Variants in SGCD observed in about 807,000 individuals in gnomAD.
The protein encoded by SGCD is delta-sarcoglycan.
A neutral mutation model predicts 36.6 loss-of-function variants in SGCD; 18 were observed. The observed-to-expected ratio is 0.49, with a 90% CI of 0.34 to 0.73. The LOEUF is 0.73. Among genes scored for constraint, SGCD ranks in the 30% least tolerant of loss-of-function variants. The probability of loss-of-function intolerance (pLI) is 0.01; values close to 1 mark genes in which losing one functional copy is unlikely to be tolerated. For synonymous variants in SGCD, 133 were observed against 130.6 expected (o/e 1.02, Z -0.12); for missense variants, 387 against 346.7 (o/e 1.12, Z -0.92).
At chr5:155,986,767 C>T (rs959143132) in intron 1 of SGCD, among the ~76,000 whole-genome samples, 8 of 152,104 alleles carry the variant, frequency 5.3e-5, no homozygotes, top group African/African-American at 7.2e-5. Flanking sequence ...AGAGGTTATG[C>T]GGTGATCATT....
At chr5:156,543,464 C>T (rs1259056184) in intron 4 of SGCD, among the ~76,000 whole-genome samples, 1 of 152,144 alleles carries the variant, frequency 6.6e-6, no homozygotes, top group Admixed American at 6.6e-5. Context: ...AGACCTCAGG[C>T]AGTATGTTGC....
intron 7 of SGCD, among the ~76,000 whole-genome samples, chr5:156,709,451 G>A (rs1754887757): frequency 6.6e-6 from 1 of 152,162 alleles, no homozygotes; most frequent in South Asian, 2.1e-4. Flanking sequence ...GAGTCACAAT[G>A]GCTTGAGGCC....
intron 1 of SGCD, among the ~76,000 whole-genome samples, chr5:156,068,294 C>A (rs973478617): frequency 1.3e-5 from 2 of 151,606 alleles, no homozygotes; most frequent in African/African-American, 4.9e-5. Flanking sequence ...CACAACAGTC[C>A]CCAGAGTGTG....
intron 7 of SGCD, among the ~76,000 whole-genome samples, chr5:156,688,368 T>A (rs1753983923): frequency 6.6e-6 from 1 of 152,224 alleles, no homozygotes; most frequent in Non-Finnish European, 1.5e-5. Context: ...CTGTTTATAA[T>A]GATGGGCTTT....
chr5:156,540,499 C>T (rs253599), intron 4 of SGCD, among the ~76,000 whole-genome samples: 72,171 of 151,904 alleles, frequency 0.48, 17,484 homozygotes, highest in African/African-American at 0.53. Flanking sequence ...ATATGTTCCC[C>T]TTTAAATTAG....
chr5:156,464,778 C>T (rs1007558243), intron 3 of SGCD, among the ~76,000 whole-genome samples: 6 of 151,992 alleles, frequency 3.9e-5, no homozygotes, highest in African/African-American at 1.4e-4. Context: ...ATGAATGTTC[C>T]GTGTTATGTT....
chr5:156,265,697 C>T (rs1765981994), intron 3 of SGCD, among the ~76,000 whole-genome samples: 1 of 151,456 alleles, frequency 6.6e-6, no homozygotes, highest in Admixed American at 6.6e-5. Flanking sequence ...TATATATTCT[C>T]AAAGAGGATA....
rs537345422 is a variant in SGCD, at chr5:156,149,141, T to G, written c.-44+25122T>G. Among the ~76,000 whole-genome samples, 124 of 152,316 alleles carry G rather than the reference T, an allele frequency of 8.1e-4. 1 individual carries two copies. Among genetic ancestry groups the G allele is most frequent in the African/African-American group, 2.9e-3 (120 of 41,580 alleles). On this transcript the variant is annotated intron_variant, in intron 3 of 9. Transcript: ENST00000517913. ...GAACCTGGCTGTCACAGGTACATAG[T>G]AGGTATATGTATCTGTGGAGTACAT...
chr5:156,401,371 A>G (rs1410515403), intron 3 of SGCD, among the ~76,000 whole-genome samples: 1 of 152,206 alleles, frequency 6.6e-6, no homozygotes, highest in African/African-American at 2.4e-5. Flanking sequence ...ACTTTTCTTA[A>G]TCCAGACAAC....
chr5:156,087,166 T>A (rs1240443554), intron 1 of SGCD, among the ~76,000 whole-genome samples: 3 of 152,208 alleles, frequency 2.0e-5, no homozygotes, highest in Non-Finnish European at 4.4e-5. Flanking sequence ...ACCAGGATGG[T>A]CCTGACCTGA....
At chr5:156,283,582 G>C (rs1042009897) in intron 3 of SGCD, among the ~76,000 whole-genome samples, 2 of 152,062 alleles carry the variant, frequency 1.3e-5, no homozygotes, top group African/African-American at 2.4e-5. Flanking sequence ...TGTCTATTAG[G>C]GAGCATTGCC....
chr5:156,403,130 C>T (rs1332649141), intron 3 of SGCD, among the ~76,000 whole-genome samples: 3 of 152,112 alleles, frequency 2.0e-5, no homozygotes, highest in African/African-American at 7.2e-5. Context: ...ACATCTCCTC[C>T]AACCCACCCT....
intron 7 of SGCD, among the ~76,000 whole-genome samples, chr5:156,665,212 T>C (rs1448973941): frequency 6.6e-6 from 1 of 152,188 alleles, no homozygotes; most frequent in Non-Finnish European, 1.5e-5. Context: ...TACGGGCACC[T>C]GACCTGCTGG....
intron 3 of SGCD, among the ~76,000 whole-genome samples, chr5:156,242,148 C>A (rs1765321975): frequency 6.6e-6 from 1 of 152,168 alleles, no homozygotes; most frequent in South Asian, 2.1e-4. Context: ...TGTGGTATAT[C>A]TATACTGTGG....
chr5:155,791,878 C>T, the SGCD span, among the ~76,000 whole-genome samples: 4 of 152,026 alleles, frequency 2.6e-5, no homozygotes, highest in Admixed American at 6.6e-5. Context: ...AAAATACCAA[C>T]GTCATTTTTC....
chr5:156,593,819 T>C (rs916483049), intron 5 of SGCD, among the ~76,000 whole-genome samples: 9 of 152,178 alleles, frequency 5.9e-5, no homozygotes, highest in African/African-American at 2.2e-4. Flanking sequence ...TCATTGCTAT[T>C]TATTATTAAG....
At chr5:156,295,238 T>C (rs1581224887) in intron 3 of SGCD, among the ~76,000 whole-genome samples, 1 of 152,308 alleles carries the variant, frequency 6.6e-6, no homozygotes, top group Middle Eastern at 3.4e-3. Context: ...CCATTTTCTA[T>C]AGGTCATCTA....
At chr5:156,422,496 G>A (rs1408771713) in intron 3 of SGCD, among the ~76,000 whole-genome samples, 10 of 151,984 alleles carry the variant, frequency 6.6e-5, no homozygotes. Flanking sequence ...TTTAAAGGGA[G>A]CTACACTTGA....
At chr5:156,228,109 A>G (rs1764904435) in intron 3 of SGCD, among the ~76,000 whole-genome samples, 1 of 152,066 alleles carries the variant, frequency 6.6e-6, no homozygotes. Context: ...AATAGAATGT[A>G]TATTCTGCAA....
Sources: gnomAD v4.1 joint callset for allele counts (sites outside exome capture counted in the v4.1 genomes callset) on GRCh38, gnomAD v4.1.1 for gene constraint, MANE v1.5 for transcripts, NCBI Gene and HGNC (gene_info 2026-07-23, HGNC 2026-07-21) for gene names.